ACTR3C: variants seen among roughly 807,000 people sequenced by gnomAD.
ACTR3C encodes the protein actin-related protein 3C.
Under a neutral mutation model 26.3 loss-of-function variants are expected in ACTR3C, and 18 were observed. The observed-to-expected ratio is 0.68, with a 90% confidence interval of 0.47 to 1.01. The LOEUF (loss-of-function observed/expected upper bound fraction) is 1.01, where lower values mean the gene tolerates loss of function less well. ACTR3C is among the 50% of genes least tolerant of loss of function. The pLI, the probability that ACTR3C is intolerant of heterozygous loss-of-function variation, is 0.00. For missense variants in ACTR3C, 184 were observed against 250.7 expected, an observed-to-expected ratio of 0.73 and a Z score of 1.80; for synonymous variants, 55 against 94.5, an observed-to-expected ratio of 0.58 and a Z score of 2.42.
the ACTR3C span, among the ~76,000 whole-genome samples, chr7:150,192,626 A>G: frequency 6.6e-6 from 1 of 152,226 alleles, no homozygotes; most frequent in East Asian, 1.9e-4. Flanking sequence ...AAATACCGAC[A>G]GAATTCCAAG....
chr7:149,940,351 C>A, the ACTR3C span, among the ~76,000 whole-genome samples: 4 of 151,940 alleles, frequency 2.6e-5, no homozygotes, highest in African/African-American at 9.7e-5. Flanking sequence ...ATGTAGCCTG[C>A]TGCCTGAATT....
the ACTR3C span, among the ~76,000 whole-genome samples, chr7:150,067,573 T>C: frequency 7.2e-5 from 11 of 152,190 alleles, no homozygotes; most frequent in Admixed American, 6.5e-4. Flanking sequence ...ATAAATGCTT[T>C]TATGATTTTG....
At chr7:149,930,540 C>A in the ACTR3C span, among the ~76,000 whole-genome samples, 1 of 152,144 alleles carries the variant, frequency 6.6e-6, no homozygotes, top group Non-Finnish European at 1.5e-5. Context: ...TTTGCCTACC[C>A]ACCCTCTCCT....
At chr7:150,113,997 C>G in the ACTR3C span, among the ~76,000 whole-genome samples, 2 of 152,140 alleles carry the variant, frequency 1.3e-5, no homozygotes, top group Non-Finnish European at 2.9e-5. Flanking sequence ...ATCAACATTT[C>G]TTGCTTCAAG....
chr7:150,131,025 A>T, the ACTR3C span, among the ~76,000 whole-genome samples: 4 of 152,218 alleles, frequency 2.6e-5, no homozygotes, highest in Non-Finnish European at 5.9e-5. Flanking sequence ...GCTGTTTTTA[A>T]GGATGAAATT....
the ACTR3C span, among the ~76,000 whole-genome samples, chr7:149,963,800 T>C: frequency 6.6e-6 from 1 of 152,232 alleles, no homozygotes; most frequent in Non-Finnish European, 1.5e-5. Context: ...ATGAGGTATA[T>C]AATAACATGA....
At chr7:150,197,537 G>C in the ACTR3C span, among the ~76,000 whole-genome samples, 1 of 152,144 alleles carries the variant, frequency 6.6e-6, no homozygotes, top group Non-Finnish European at 1.5e-5. Flanking sequence ...CTGTTTTAAA[G>C]TTGGGTGTAA....
the ACTR3C span, among the ~76,000 whole-genome samples, chr7:150,183,869 C>A: frequency 4.7e-4 from 71 of 149,982 alleles, 4 homozygotes; most frequent in African/African-American, 1.5e-3. Flanking sequence ...GGTGTGGTTC[C>A]CCCCAGGCTG....
the ACTR3C span, among the ~76,000 whole-genome samples, chr7:150,053,915 C>T: frequency 2.0e-5 from 3 of 152,190 alleles, no homozygotes; most frequent in African/African-American, 4.8e-5. Flanking sequence ...AATTCACCCC[C>T]GAAAGAGAAG....
the ACTR3C span, among the ~76,000 whole-genome samples, chr7:150,109,578 C>T: frequency 2.7e-5 from 4 of 150,060 alleles, no homozygotes; most frequent in African/African-American, 9.9e-5. Flanking sequence ...GTGGCCTTTA[C>T]GGCATAAGGG....
intron 6 of ACTR3C, among the ~76,000 whole-genome samples, chr7:150,260,733 A>G (rs576316454): frequency 6.8e-4 from 103 of 152,308 alleles, no homozygotes; most frequent in African/African-American, 2.3e-3. Flanking sequence ...GCTTACCATC[A>G]TTACGCTGAC....
chr7:150,001,209 C>G, the ACTR3C span: 1 of 152,296 alleles, frequency 6.6e-6, no homozygotes, highest in African/African-American at 2.4e-5. Context: ...AGGTGAAGGC[C>G]CAGCTGCTAA....
chr7:149,959,179 A>C, the ACTR3C span, among the ~76,000 whole-genome samples: 10 of 151,976 alleles, frequency 6.6e-5, no homozygotes, highest in African/African-American at 2.4e-4. Context: ...GATGTGTGTT[A>C]ATCCAAGGGG....
chr7:150,047,732 G>A, the ACTR3C span: 12 of 1,383,776 alleles, frequency 8.7e-6, no homozygotes, highest in Admixed American at 2.9e-4. Context: ...CGAGGGGCTT[G>A]GCTCCTGCGC....
chr7:149,962,383 T>C, the ACTR3C span, among the ~76,000 whole-genome samples: 14 of 152,244 alleles, frequency 9.2e-5, no homozygotes, highest in African/African-American at 2.9e-4. Context: ...GAAAATTAGA[T>C]CCACACACCA....
At chr7:150,310,217 C>T (rs1309412426) in intron 1 of ACTR3C, among the ~76,000 whole-genome samples, 1 of 152,166 alleles carries the variant, frequency 6.6e-6, no homozygotes, top group Non-Finnish European at 1.5e-5. Context: ...CACATCCTCC[C>T]TTTGTGTCTC....
At chr7:150,229,310 G>A in the ACTR3C span, among the ~76,000 whole-genome samples, 43 of 152,106 alleles carry the variant, frequency 2.8e-4, no homozygotes, top group African/African-American at 9.2e-4. Context: ...TGTCATGTTA[G>A]CTGTAGGTTT....
the ACTR3C span, among the ~76,000 whole-genome samples, chr7:150,104,481 A>G: frequency 6.6e-6 from 1 of 151,790 alleles, no homozygotes; most frequent in South Asian, 2.1e-4. Flanking sequence ...GTACTTCTCA[A>G]AGGGCATTAG....
chr7:150,182,814 T>A, the ACTR3C span, among the ~76,000 whole-genome samples: 1 of 151,066 alleles, frequency 6.6e-6, no homozygotes, highest in Non-Finnish European at 1.5e-5. Flanking sequence ...AACAATTTAA[T>A]TCTTTGCAAT....
Sources: allele counts gnomAD v4.1 joint callset (sites outside exome capture counted in the v4.1 genomes callset), GRCh38; gene constraint gnomAD v4.1.1; transcripts MANE v1.5; gene names NCBI Gene and HGNC (gene_info 2026-07-23, HGNC 2026-07-21).